Variants in WWOX observed in about 807,000 individuals in gnomAD.
WWOX encodes WW domain-containing oxidoreductase.
A neutral mutation model predicts 46.2 loss-of-function variants in WWOX; 69 were observed. That is an observed-to-expected ratio of 1.49 (90% confidence interval 1.23 to 1.82). The LOEUF (loss-of-function observed/expected upper bound fraction) is 1.82. Among genes scored for constraint, WWOX ranks in the 40% most tolerant of loss-of-function variants. The pLI, the probability that WWOX is intolerant of heterozygous loss-of-function variation, is 0.00. For synonymous variants in WWOX, 359 were observed against 202.6 expected (o/e 1.77, Z -6.56); for missense variants, 919 against 542.6 (o/e 1.69, Z -6.89).
intron 8 of WWOX, among the ~76,000 whole-genome samples, chr16:78,666,222 G>A (rs1181883477): frequency 6.6e-6 from 1 of 152,130 alleles, no homozygotes; most frequent in African/African-American, 2.4e-5. Flanking sequence ...GGGAGGTCAA[G>A]GCTGTATAGT....
chr16:78,291,932 C>G (rs74736624), intron 5 of WWOX, among the ~76,000 whole-genome samples: 15,645 of 152,066 alleles, frequency 0.1, 1,004 homozygotes, highest in East Asian at 0.23. Flanking sequence ...GACTTAGCAT[C>G]TGGGAATCCC....
intron 8 of WWOX, among the ~76,000 whole-genome samples, chr16:78,557,339 A>G (rs1387573457): frequency 1.3e-5 from 2 of 152,164 alleles, no homozygotes; most frequent in African/African-American, 4.8e-5. Context: ...CTTCAGTGAT[A>G]TTATTTCTCC....
At position 79,069,313 on chromosome 16, in the gene WWOX, A is replaced by G. The variant is rs1258826514; in HGVS notation, c.1057-142295A>G. 2.0e-5 allele frequency among the ~76,000 whole-genome samples: 3 copies of G among 152,210 alleles called. No homozygotes were observed. The East Asian group carries it at 5.8e-4, about 29-fold the overall frequency. Reference sequence around the variant, plus strand: ...GCGAAGGCCGTGTGGCTTCGCATTAATCACCACCAAGCCAACATGAGCTTC... The same window carrying G: ...GCGAAGGCCGTGTGGCTTCGCATTAGTCACCACCAAGCCAACATGAGCTTC... On this transcript the variant is annotated intron_variant, in intron 8 of 8. Transcript: ENST00000566780.
At chr16:78,715,813 T>C (rs1440437461) in intron 8 of WWOX, among the ~76,000 whole-genome samples, 1 of 152,128 alleles carries the variant, frequency 6.6e-6, no homozygotes, top group Non-Finnish European at 1.5e-5. Context: ...CAAAAGCTTT[T>C]CTAGAATCTA....
chr16:78,516,625 C>G (rs1015860980), intron 8 of WWOX, among the ~76,000 whole-genome samples: 1 of 152,174 alleles, frequency 6.6e-6, no homozygotes, highest in Non-Finnish European at 1.5e-5. Flanking sequence ...CCATTTTGCA[C>G]GTGTATTGTC....
At chr16:78,271,639 G>C (rs995591549) in intron 5 of WWOX, among the ~76,000 whole-genome samples, 5 of 152,238 alleles carry the variant, frequency 3.3e-5, no homozygotes, top group Non-Finnish European at 7.3e-5. Context: ...TGGAGCCTCT[G>C]AGGTGGGAGG....
intron 8 of WWOX, among the ~76,000 whole-genome samples, chr16:79,067,862 T>G (rs1350361697): frequency 6.6e-6 from 1 of 152,194 alleles, no homozygotes; most frequent in Non-Finnish European, 1.5e-5. Context: ...CTTCCTTCTC[T>G]TCCCTTCTGG....
chr16:78,593,164 C>T (rs1460908366), intron 8 of WWOX, among the ~76,000 whole-genome samples: 4 of 152,090 alleles, frequency 2.6e-5, no homozygotes, highest in East Asian at 3.9e-4. Flanking sequence ...TACCTTGCTC[C>T]CCTGGAGTGT....
chr16:78,905,754 G>A (rs940971260), intron 8 of WWOX, among the ~76,000 whole-genome samples: 2 of 152,182 alleles, frequency 1.3e-5, no homozygotes, highest in Non-Finnish European at 2.9e-5. Flanking sequence ...AATGTGAGCA[G>A]AATAGTATCC....
At chr16:79,011,342 A>AT (rs2047303229) in intron 8 of WWOX, among the ~76,000 whole-genome samples, 1 of 151,424 alleles carries the variant, frequency 6.6e-6, no homozygotes, top group Non-Finnish European at 1.5e-5. Context: ...CTACATTCAA[A>AT]TTTTCATGTC....
chr16:78,579,132 T>G (rs1269611377), intron 8 of WWOX, among the ~76,000 whole-genome samples: 4 of 152,210 alleles, frequency 2.6e-5, no homozygotes, highest in Non-Finnish European at 5.9e-5. Flanking sequence ...TTCTAGTTAT[T>G]GTGGGTGTTA....
intron 8 of WWOX, among the ~76,000 whole-genome samples, chr16:78,809,091 C>T (rs762604686): frequency 4.6e-5 from 7 of 152,034 alleles, no homozygotes; most frequent in African/African-American, 7.2e-5. Context: ...GGACACACGG[C>T]GTTCTGCACA....
chr16:78,707,795 A>T (rs963267596), intron 8 of WWOX, among the ~76,000 whole-genome samples: 2 of 151,926 alleles, frequency 1.3e-5, no homozygotes, highest in African/African-American at 4.8e-5. Context: ...AGGCAGGAGA[A>T]CTGCACTCTA....
intron 8 of WWOX, among the ~76,000 whole-genome samples, chr16:79,041,806 C>T (rs1489032039): frequency 6.6e-6 from 1 of 152,158 alleles, no homozygotes; most frequent in African/African-American, 2.4e-5. Context: ...CTTTAGCTTC[C>T]TGGCAAAATT....
At chr16:78,777,010 A>G (rs966359688) in intron 8 of WWOX, among the ~76,000 whole-genome samples, 51 of 152,304 alleles carry the variant, frequency 3.3e-4, no homozygotes, top group African/African-American at 1.2e-3. Flanking sequence ...TCTCGTTTTT[A>G]CAGAGTATAT....
intron 8 of WWOX, among the ~76,000 whole-genome samples, chr16:79,117,112 A>C (rs551753810): frequency 1.1e-3 from 174 of 152,172 alleles, no homozygotes; most frequent in Middle Eastern, 3.4e-3. Flanking sequence ...CTGCAGCTCA[A>C]ATTATCCTCC....
At chr16:78,401,865 A>G (rs760378702) in intron 6 of WWOX, among the ~76,000 whole-genome samples, 1 of 151,842 alleles carries the variant, frequency 6.6e-6, no homozygotes, top group Non-Finnish European at 1.5e-5. Context: ...ACGCTTGGCT[A>G]ATTTTTGTAT....
rs975941299 is a variant in WWOX, at chr16:78,388,448, C to G, written c.605+1500C>G. ...GGGTCATGAGGTCAAGAGATCAAGA[C>G]CATCCTGGCCAACATTGTGAAACCC... On this transcript the variant is annotated intron_variant, in intron 6 of 8. Coordinates refer to ENST00000566780, the MANE Select transcript of WWOX (RefSeq NM_016373.4). Among the ~76,000 whole-genome samples the G allele has an allele frequency of 4.6e-5, 7 of 151,364 alleles. No homozygotes were observed. The South Asian group carries it at 8.4e-4, about 18-fold the overall frequency.
At chr16:78,335,244 G>A (rs188565382) in intron 5 of WWOX, among the ~76,000 whole-genome samples, 2 of 152,280 alleles carry the variant, frequency 1.3e-5, no homozygotes, top group East Asian at 1.9e-4. Context: ...TGGATATGAA[G>A]CCCAGCGTCC....
Sources: allele counts gnomAD v4.1 joint callset (sites outside exome capture counted in the v4.1 genomes callset), GRCh38; gene constraint gnomAD v4.1.1; transcripts MANE v1.5; gene names NCBI Gene and HGNC (gene_info 2026-07-23, HGNC 2026-07-21).